Variants in ASPH observed in about 807,000 individuals in gnomAD.
The protein encoded by ASPH is aspartyl/asparaginyl beta-hydroxylase.
In ASPH, 100 loss-of-function variants were observed where a neutral mutation model predicts 118.4. The observed-to-expected ratio is 0.84, with a 90% CI of 0.72 to 1.00. The LOEUF (loss-of-function observed/expected upper bound fraction) is 1.00. Ranked by LOEUF, ASPH falls within the 50% of genes least tolerant of loss-of-function variation. ASPH has a pLI of 0.00. For missense variants in ASPH, 920 were observed against 919.5 expected, an observed-to-expected ratio of 1.00 and a Z score of -0.01; for synonymous variants, 315 against 325.6, an observed-to-expected ratio of 0.97 and a Z score of 0.35.
intron 18 of ASPH, among the ~76,000 whole-genome samples, chr8:61,556,802 TA>T (rs1828039311): frequency 6.6e-6 from 1 of 152,174 alleles, no homozygotes; most frequent in Admixed American, 6.5e-5. Context: ...CATGTGCATG[TA>T]GGGAAAGATG....
chr8:61,617,779 C>T, intron 14 of ASPH, among the ~76,000 whole-genome samples: 1 of 151,362 alleles, frequency 6.6e-6, no homozygotes, highest in African/African-American at 2.4e-5. Context: ...TTAAAAAATA[C>T]AAAAATTAGT....
Position 61,576,816 on chromosome 8 carries a change from G to T in ASPH, c.1105C>A (p.Arg369Ser), listed in dbSNP as rs139441811. Reference sequence around the variant, plus strand: ...GCTCGTGGACTCTGAGGGTATTTGCGTACTAGTTCTTTAAATGCATTCACT... The same window carrying T: ...GCTCGTGGACTCTGAGGGTATTTGCTTACTAGTTCTTTAAATGCATTCACT... ...EAVNAFKELV[R>S]KYPQSPRARY... The change falls in exon 16 of 25, where the codon CGC becomes AGC. Residue 369 changes from arginine to serine, a missense_variant. Arg to Ser is a moderately radical substitution (Grantham distance 110). Transcript: ENST00000379454. 4.8e-5 allele frequency: 77 copies of T among 1,609,086 alleles called. No homozygotes were observed. In the African/African-American group the frequency reaches 4.9e-4, roughly 10 times the overall value.
intron 13 of ASPH, chr8:61,626,258 A>T (rs1403202569): frequency 6.4e-7 from 1 of 1,563,584 alleles, no homozygotes; most frequent in Non-Finnish European, 8.6e-7. Flanking sequence ...TGGTAGGGGC[A>T]GTCTTTTTGA....
Position 61,516,522 on chromosome 8 carries a change from A to T in ASPH, c.2126+1006T>A, listed in dbSNP as rs185206522. Among the ~76,000 whole-genome samples the T allele has an allele frequency of 1.2e-4, 18 of 152,300 alleles. No homozygotes were observed. In the East Asian group the frequency reaches 2.7e-3, roughly 23 times the overall value. ...ACACTCATCCTCCACTCAGACCTCTACTAAGAACAATAAGAAATGTGTAAG... is the reference window on the plus strand; with the variant it reads ...ACACTCATCCTCCACTCAGACCTCTTCTAAGAACAATAAGAAATGTGTAAG... On this transcript the variant is annotated intron_variant, in intron 24 of 24. Transcript: ENST00000379454.
At chr8:61,504,118 C>T (rs934006505) in intron 24 of ASPH, among the ~76,000 whole-genome samples, 1 of 152,028 alleles carries the variant, frequency 6.6e-6, no homozygotes, top group Admixed American at 6.6e-5. Context: ...TGCAAAACAC[C>T]CTATAGAGCT....
At chr8:61,577,399 C>CAAAAAAAAAAAAAAAAAAAAAAAAA (rs775523503) in intron 15 of ASPH, among the ~76,000 whole-genome samples, 1 of 23,290 alleles carries the variant, frequency 4.3e-5, no homozygotes, top group Non-Finnish European at 7.3e-5. Flanking sequence ...CCCAATCTCG[C>CAAAAAAAAAAAAAAAAAAAAAAAAA]AAAAAAAAAA....
chr8:61,660,572 T>C (rs1816358594), intron 3 of ASPH: 1 of 152,160 alleles, frequency 6.6e-6, no homozygotes, highest in South Asian at 2.1e-4. Context: ...CATAGACAGA[T>C]GGATGTTGAG....
At chr8:61,674,479 A>C (rs983714849) in intron 3 of ASPH, among the ~76,000 whole-genome samples, 3 of 152,230 alleles carry the variant, frequency 2.0e-5, no homozygotes, top group Admixed American at 6.5e-5. Context: ...AGGCAAGACA[A>C]ACAAGAGCTT....
chr8:61,603,438 T>G (rs1844693273), intron 14 of ASPH, among the ~76,000 whole-genome samples: 1 of 152,184 alleles, frequency 6.6e-6, no homozygotes, highest in Non-Finnish European at 1.5e-5. Flanking sequence ...TGTCCACTCT[T>G]GTCCATTAAG....
chr8:61,590,592 A>G (rs1840826636), intron 14 of ASPH, among the ~76,000 whole-genome samples: 2 of 144,836 alleles, frequency 1.4e-5, no homozygotes, highest in Non-Finnish European at 3.0e-5. Context: ...GTGTGTATGA[A>G]TTTCTCCCAC....
chr8:61,609,202 C>T (rs1846539307), intron 14 of ASPH, among the ~76,000 whole-genome samples: 1 of 152,186 alleles, frequency 6.6e-6, no homozygotes, highest in Admixed American at 6.5e-5. Context: ...ACGGGGCTTT[C>T]TGTGCTATTC....
At chr8:61,581,680 C>G (rs983574997) in intron 15 of ASPH, among the ~76,000 whole-genome samples, 1 of 152,160 alleles carries the variant, frequency 6.6e-6, no homozygotes, top group Non-Finnish European at 1.5e-5. Context: ...TTGTTGACTT[C>G]ATTCCTAGCA....
chr8:61,574,700 TG>T (rs1042443287), intron 16 of ASPH, among the ~76,000 whole-genome samples: 1 of 151,854 alleles, frequency 6.6e-6, no homozygotes, highest in Admixed American at 6.6e-5. Context: ...GCCTGTCGGG[TG>T]GGGGGCTAGG....
chr8:61,648,165 T>C (rs536177851), intron 5 of ASPH, among the ~76,000 whole-genome samples: 148 of 152,352 alleles, frequency 9.7e-4, no homozygotes, highest in Middle Eastern at 3.4e-3. Context: ...TGTAACATTG[T>C]TATGAAGATT....
At chr8:61,630,664 A>G (rs1017917399) in intron 13 of ASPH, among the ~76,000 whole-genome samples, 24 of 152,234 alleles carry the variant, frequency 1.6e-4, no homozygotes, top group African/African-American at 5.8e-4. Flanking sequence ...ATGCTGGTGT[A>G]AACAAATCTA....
intron 14 of ASPH, chr8:61,606,628 A>G (rs1845646370): frequency 6.6e-6 from 1 of 152,234 alleles, no homozygotes; most frequent in African/African-American, 2.4e-5. Flanking sequence ...TAATTTCATT[A>G]AATTATCATG....
chr8:61,579,333 C>T (rs1285220061), intron 15 of ASPH: 28 of 1,614,058 alleles, frequency 1.7e-5, no homozygotes, highest in East Asian at 1.3e-4. Flanking sequence ...ACGGCAGCTG[C>T]GTGAGTACCA....
chr8:61,710,809 T>C (rs1589382351), intron 1 of ASPH, among the ~76,000 whole-genome samples: 3 of 152,200 alleles, frequency 2.0e-5, no homozygotes, highest in African/African-American at 7.2e-5. Context: ...AGCAGTGTAT[T>C]GAATCCCTCA....
chr8:61,714,580 C>G lies in ASPH; in HGVS notation c.-209G>C, dbSNP rs931529537. 1.6e-5 allele frequency: 11 copies of G among 683,544 alleles called. No individual in the cohort carries two copies. In the Admixed American group the frequency reaches 1.8e-4, roughly 11 times the overall value. The allele number at this position is 683,544 out of a possible 1,614,324, so 42.3% of individuals were successfully genotyped here. A position where few individuals can be genotyped will look rare whatever the true frequency, so the allele number is the denominator to read the frequency against. On this transcript the variant is annotated 5_prime_UTR_variant, in exon 1 of 25. Coordinates refer to ENST00000379454, the MANE Select transcript of ASPH (RefSeq NM_004318.4). Reference sequence around the variant, plus strand: ...CTGCGCGCGCCCGGCCTCGCGTGTACGAACCTGTGACTCCCTCCCGGGGCG... The same window carrying G: ...CTGCGCGCGCCCGGCCTCGCGTGTAGGAACCTGTGACTCCCTCCCGGGGCG...
Sources: allele counts gnomAD v4.1 joint callset (sites outside exome capture counted in the v4.1 genomes callset), GRCh38; gene constraint gnomAD v4.1.1; transcripts MANE v1.5; gene names NCBI Gene and HGNC (gene_info 2026-07-23, HGNC 2026-07-21).